Variants in IFRD1 observed in about 807,000 individuals in gnomAD.
IFRD1 encodes the protein interferon related developmental regulator 1, also known as interferon-related developmental regulator 1.
In IFRD1, 35 loss-of-function variants were observed where a neutral mutation model predicts 52.9. That is an observed-to-expected ratio of 0.66 (90% CI 0.51 to 0.88). The LOEUF (loss-of-function observed/expected upper bound fraction) is 0.88, where lower values mean the gene tolerates loss of function less well. Ranked by LOEUF, IFRD1 falls within the 40% of genes least tolerant of loss-of-function variation. The pLI is 0.00. For missense variants in IFRD1, 517 were observed against 550.8 expected, an observed-to-expected ratio of 0.94 and a Z score of 0.61; for synonymous variants, 184 against 188.4, an observed-to-expected ratio of 0.98 and a Z score of 0.19.
intron 1 of IFRD1, chr7:112,435,662 T>TGTGTGTGTGTGTGTGTGTGTGTGTGGG (rs1238450260): frequency 8.0e-5 from 1 of 12,514 alleles, no homozygotes; most frequent in African/African-American, 1.9e-4. Context: ...GTGTGCGTGC[T>TGTGTGTGTGTGTGTGTGTGTGTGTGGG]TGTAAAAAAT....
At chr7:112,434,147 T>C (rs1399883420) in intron 1 of IFRD1, among the ~76,000 whole-genome samples, 3 of 152,198 alleles carry the variant, frequency 2.0e-5, no homozygotes, top group Non-Finnish European at 4.4e-5. Context: ...TTGATGAGCA[T>C]GTCTTGCTCT....
At chr7:112,447,406 G>C (rs1036860965), upstream of IFRD1, among the ~76,000 whole-genome samples, 1 of 152,140 alleles carries the variant, frequency 6.6e-6, no homozygotes, top group Non-Finnish European at 1.5e-5. Flanking sequence ...TGATATATGA[G>C]GCAGACATTG....
In IFRD1 at chr7:112,460,279, C is replaced by T. The variant is rs1313274171; in HGVS notation, c.567+1261C>T. Among the ~76,000 whole-genome samples the T allele has an allele frequency of 2.1e-4, 25 of 116,586 alleles. No homozygotes were observed. The Admixed American group carries it at 3.0e-3, about 14-fold the overall frequency. The allele number at this position is 116,586 out of a possible 152,430, so 76.5% of individuals were successfully genotyped here. A position where few individuals can be genotyped will look rare whatever the true frequency, so the allele number is the denominator to read the frequency against. ...TTTTTTTTTTTGACAAGGTCTCACT[C>T]TGTTACCCAGGCTGGAGTACAGTAG... On this transcript the variant is annotated intron_variant, in intron 5 of 11. Coordinates refer to ENST00000403825, the MANE Select transcript of IFRD1 (RefSeq NM_001550.4).
rs1282452058 is a variant in IFRD1 at position 112,475,877 on chromosome 7, A to C, written c.*358A>C. The C allele has an allele frequency of 5.5e-6, 1 of 182,556 alleles. No homozygotes were observed. Among genetic ancestry groups the C allele is most frequent in the East Asian group, 1.6e-4 (1 of 6,386 alleles). The allele number at this position is 182,556 out of a possible 1,614,324, so 11.3% of individuals were successfully genotyped here. A position where few individuals can be genotyped will look rare whatever the true frequency, so the allele number is the denominator to read the frequency against. On this transcript the variant is annotated 3_prime_UTR_variant, in exon 12 of 12. Transcript: ENST00000403825. ...AATGATATATACATGCAAGATATTT[A>C]ACTTAATATCTTAGACAAGAGTTCT...
upstream of IFRD1, among the ~76,000 whole-genome samples, chr7:112,446,652 T>C (rs1467226549): frequency 6.6e-6 from 1 of 152,124 alleles, no homozygotes; most frequent in Non-Finnish European, 1.5e-5. Flanking sequence ...CAGGTAGGTG[T>C]CATTTAAGCT....
intron 1 of IFRD1, among the ~76,000 whole-genome samples, chr7:112,453,242 C>T (rs1019390817): frequency 6.6e-6 from 1 of 152,130 alleles, no homozygotes; most frequent in Non-Finnish European, 1.5e-5. Context: ...ATAAAATTGA[C>T]TTCTTTTATA....
intron 1 of IFRD1, among the ~76,000 whole-genome samples, chr7:112,426,094 T>C (rs941785853): frequency 1.3e-5 from 2 of 152,198 alleles, no homozygotes; most frequent in Non-Finnish European, 2.9e-5. Context: ...ACTCCTGTAA[T>C]ACCAGCTGCT....
chr7:112,462,498 T>G (rs1795466829), intron 8 of IFRD1, 120 bp downstream of exon 8: 1 of 738,212 alleles, frequency 1.4e-6, no homozygotes, highest in Non-Finnish European at 2.4e-6. Context: ...AACCCAGTGA[T>G]TTATTTCCCT....
chr7:112,442,943 T>C (rs1794929382), intron 1 of IFRD1, among the ~76,000 whole-genome samples: 1 of 152,254 alleles, frequency 6.6e-6, no homozygotes, highest in South Asian at 2.1e-4. Context: ...CTAATATTAA[T>C]GGCTAACATT....
chr7:112,460,964 A>C (rs1795419155), intron 5 of IFRD1, among the ~76,000 whole-genome samples: 1 of 152,230 alleles, frequency 6.6e-6, no homozygotes, highest in African/African-American at 2.4e-5. Flanking sequence ...CTGAGAATTG[A>C]AGGCTTCTGT....
At chr7:112,447,899 T>G (rs569362329), upstream of IFRD1, among the ~76,000 whole-genome samples, 1 of 151,310 alleles carries the variant, frequency 6.6e-6, no homozygotes, top group African/African-American at 2.4e-5. Context: ...TACTTCATGT[T>G]TGTAGTGATA....
At chr7:112,446,407 G>A (rs968363963), upstream of IFRD1, 2 of 155,668 alleles carry the variant, frequency 1.3e-5, no homozygotes, top group Admixed American at 6.5e-5. Context: ...GAATATCTAA[G>A]TGCCACGTAC....
intron 8 of IFRD1, among the ~76,000 whole-genome samples, chr7:112,467,062 A>C (rs1385034417): frequency 1.3e-5 from 2 of 152,234 alleles, no homozygotes. Flanking sequence ...AATATCTGTC[A>C]CATTAATTTC....
chr7:112,474,384 G>A (rs1017121784), intron 11 of IFRD1, among the ~76,000 whole-genome samples: 10 of 152,136 alleles, frequency 6.6e-5, no homozygotes, highest in African/African-American at 2.4e-4. Context: ...TAGAAAGAAA[G>A]GTTCCAGTTT....
upstream of IFRD1, chr7:112,450,379 T>G: frequency 2.3e-6 from 1 of 428,764 alleles, no homozygotes; most frequent in Non-Finnish European, 4.4e-6. Context: ...AGGGATTGGT[T>G]GGGAAGCGCT....
chr7:112,448,025 C>G (rs1339195599), upstream of IFRD1, among the ~76,000 whole-genome samples: 1 of 148,580 alleles, frequency 6.7e-6, no homozygotes, highest in Non-Finnish European at 1.5e-5. Flanking sequence ...GTTCATTTAA[C>G]TATATATATA....
intron 1 of IFRD1, chr7:112,451,084 A>G (rs899116428): frequency 1.1e-5 from 4 of 372,236 alleles, no homozygotes; most frequent in Non-Finnish European, 2.0e-5. Context: ...GAAAGGAACC[A>G]TTGTCAGAGT....
chr7:112,468,270 C>CT (rs201842737), intron 9 of IFRD1, among the ~76,000 whole-genome samples, 155 bp downstream of exon 9: 26,872 of 147,972 alleles, frequency 0.18, 2,642 homozygotes, highest in South Asian at 0.31. Flanking sequence ...TAAGTGAAGA[C>CT]TTTTTTTTTT....
rs776628433 is a variant in IFRD1 at position 112,458,878 on chromosome 7, C to T, written c.427C>T (p.Arg143Cys). 6.2e-6 allele frequency: 10 copies of T among 1,613,754 alleles called. No individual in the cohort carries two copies. Among genetic ancestry groups the T allele is most frequent in the Middle Eastern group, 1.6e-4 (1 of 6,084 alleles). Residue 143 changes from arginine to cysteine, a missense_variant, in exon 5 of 12, where the codon CGT becomes TGT. Transcript: ENST00000403825. ...CLKKGKSDEQ[R>C]AAAALASVLC... ...TTTTATAGGTAAGAGTGATGAGCAA[C>T]GTGCAGCTGCAGCGTTAGCATCTGT...
Sources: allele counts gnomAD v4.1 joint callset (sites outside exome capture counted in the v4.1 genomes callset), GRCh38; gene constraint gnomAD v4.1.1; transcripts MANE v1.5; gene names NCBI Gene and HGNC (gene_info 2026-07-23, HGNC 2026-07-21).